Variants in FMN2 observed in about 807,000 individuals in gnomAD.
FMN2 encodes formin 2, also known as formin-2.
Under a neutral mutation model 142.3 loss-of-function variants are expected in FMN2, and 51 were observed. The observed-to-expected ratio is 0.36, with a 90% CI of 0.29 to 0.45. The LOEUF is 0.45. Ranked by LOEUF, FMN2 falls within the 20% of genes least tolerant of loss-of-function variation. The pLI is 1.00. For missense variants in FMN2, 1,936 were observed against 2,122.8 expected (o/e 0.91, Z 1.73); for synonymous variants, 882 against 869.8 (o/e 1.01, Z -0.25).
At chr1:240,204,313 A>C (rs1187142460) in intron 4 of FMN2, among the ~76,000 whole-genome samples, 1 of 152,172 alleles carries the variant, frequency 6.6e-6, no homozygotes, top group African/African-American at 2.4e-5. Flanking sequence ...AAGACTACTA[A>C]ATTTAGCAGG....
At chr1:240,164,830 T>A (rs1558331326) in intron 2 of FMN2, among the ~76,000 whole-genome samples, 1 of 152,208 alleles carries the variant, frequency 6.6e-6, no homozygotes, top group Non-Finnish European at 1.5e-5. Context: ...AGTAGTTTGA[T>A]ACTTTCTTTC....
intron 16 of FMN2, among the ~76,000 whole-genome samples, chr1:240,446,584 A>G (rs1675823668): frequency 6.6e-6 from 1 of 152,208 alleles, no homozygotes; most frequent in South Asian, 2.1e-4. Flanking sequence ...ATGTGGGCCG[A>G]AAACAAGATC....
At chr1:240,389,491 A>G (rs925417778) in intron 14 of FMN2, among the ~76,000 whole-genome samples, 8 of 152,194 alleles carry the variant, frequency 5.3e-5, no homozygotes, top group Admixed American at 1.3e-4. Context: ...ACTGCATGTA[A>G]TTAGCTTGCT....
At chr1:240,160,126 A>G (rs991142044) in intron 2 of FMN2, among the ~76,000 whole-genome samples, 2 of 150,882 alleles carry the variant, frequency 1.3e-5, no homozygotes, top group African/African-American at 4.9e-5. Flanking sequence ...TCTACCAAAC[A>G]TTTAAAGAAG....
At chr1:240,112,482 C>T (rs868072072) in intron 1 of FMN2, among the ~76,000 whole-genome samples, 49 of 152,124 alleles carry the variant, frequency 3.2e-4, no homozygotes, top group Admixed American at 2.6e-4. Context: ...GTTTGAAGGA[C>T]AGGAAGATGG....
chr1:240,428,985 T>C (rs1675048745), intron 15 of FMN2, among the ~76,000 whole-genome samples: 2 of 152,162 alleles, frequency 1.3e-5, no homozygotes, highest in Admixed American at 1.3e-4. Flanking sequence ...CTTAAATCTT[T>C]TTTTAAAATT....
intron 16 of FMN2, among the ~76,000 whole-genome samples, chr1:240,452,113 C>A (rs1326903376): frequency 6.6e-6 from 1 of 151,922 alleles, no homozygotes; most frequent in East Asian, 1.9e-4. Context: ...GTCACTTGAA[C>A]CTGGGAGGCA....
intron 6 of FMN2, among the ~76,000 whole-genome samples, chr1:240,241,994 C>T (rs1409110599): frequency 2.0e-5 from 3 of 151,854 alleles, no homozygotes; most frequent in Non-Finnish European, 2.9e-5. Context: ...TACAGGTGCC[C>T]GCCACCACGC....
At chr1:240,303,840 C>T (rs144193774) in intron 8 of FMN2, among the ~76,000 whole-genome samples, 69 of 152,180 alleles carry the variant, frequency 4.5e-4, no homozygotes, top group African/African-American at 1.6e-3. Flanking sequence ...AGGCTGTCTT[C>T]ACTTTTCTTC....
intron 7 of FMN2, among the ~76,000 whole-genome samples, chr1:240,275,397 T>G (rs1447037775): frequency 6.6e-6 from 1 of 152,154 alleles, no homozygotes; most frequent in Admixed American, 6.5e-5. Flanking sequence ...GCTTCATCCA[T>G]GTCCCTGCAA....
intron 8 of FMN2, among the ~76,000 whole-genome samples, chr1:240,308,351 C>G (rs1670484414): frequency 6.6e-6 from 1 of 152,186 alleles, no homozygotes; most frequent in Admixed American, 6.5e-5. Flanking sequence ...AACTTTTTCT[C>G]TGAGTAAAAT....
intron 8 of FMN2, among the ~76,000 whole-genome samples, chr1:240,317,676 T>G (rs1469302749): frequency 6.6e-6 from 1 of 152,206 alleles, no homozygotes; most frequent in Non-Finnish European, 1.5e-5. Context: ...TTTGAGTTTT[T>G]GGGTATTACA....
intron 4 of FMN2, among the ~76,000 whole-genome samples, chr1:240,203,732 A>G (rs568986866): frequency 2.0e-5 from 3 of 152,300 alleles, no homozygotes; most frequent in Admixed American, 2.0e-4. Context: ...TGATGGGTTG[A>G]TGGGTGCAGC....
intron 14 of FMN2, among the ~76,000 whole-genome samples, chr1:240,361,169 AT>A (rs1191728652): frequency 1.9e-5 from 2 of 107,842 alleles, no homozygotes; most frequent in East Asian, 5.0e-4. Flanking sequence ...ATATATATAT[AT>A]ATATATATAT....
At chr1:240,268,927 A>T (rs960529799) in intron 7 of FMN2, among the ~76,000 whole-genome samples, 2 of 151,894 alleles carry the variant, frequency 1.3e-5, no homozygotes, top group African/African-American at 4.8e-5. Context: ...TTTGTTATAT[A>T]TTTAGACATA....
intron 1 of FMN2, among the ~76,000 whole-genome samples, chr1:240,102,441 A>C (rs1661447908): frequency 6.6e-6 from 1 of 152,030 alleles, no homozygotes; most frequent in Non-Finnish European, 1.5e-5. Flanking sequence ...AATCTTTGAA[A>C]CTCATTTTTT....
chr1:240,259,332 G>T (rs897943881), intron 7 of FMN2, among the ~76,000 whole-genome samples: 1 of 152,176 alleles, frequency 6.6e-6, no homozygotes, highest in African/African-American at 2.4e-5. Context: ...GGTAAAGCCA[G>T]TGAGAGTTCA....
intron 16 of FMN2, among the ~76,000 whole-genome samples, chr1:240,456,831 G>A (rs12403071): frequency 0.74 from 113,314 of 152,130 alleles, 42,397 homozygotes; most frequent in Middle Eastern, 0.82. Context: ...ATGGCTGGCC[G>A]ACTGAACTAT....
Position 240,091,901 on chromosome 1 carries a change from A to T in FMN2, c.-209A>T. On this transcript the variant is annotated 5_prime_UTR_variant, in exon 1 of 18. Transcript: ENST00000319653. ...CCTAGCCGCAGCCGCAGCCGCAGCG[A>T]CGGCAGCCACGGGAGCCGCCGCGCA... 1.3e-6 allele frequency: 1 copy of T among 789,070 alleles called. No individual in the cohort carries two copies. The highest frequency in any genetic ancestry group is 1.8e-6 in the Non-Finnish European group (1 of 552,524). 48.9% of individuals were successfully genotyped at this position (789,070 alleles called of 1,614,324 possible). A position where few individuals can be genotyped will look rare whatever the true frequency, so the allele number is the denominator to read the frequency against.
Sources: gnomAD v4.1 joint callset for allele counts (sites outside exome capture counted in the v4.1 genomes callset) on GRCh38, gnomAD v4.1.1 for gene constraint, MANE v1.5 for transcripts, NCBI Gene and HGNC (gene_info 2026-07-23, HGNC 2026-07-21) for gene names.